Variants in NETO2 observed in about 807,000 individuals in gnomAD.
NETO2 encodes the protein neuropilin and tolloid-like protein 2.
A neutral mutation model predicts 62.5 loss-of-function variants in NETO2; 28 were observed. The observed-to-expected ratio is 0.45, with a 90% CI of 0.33 to 0.61. The LOEUF (loss-of-function observed/expected upper bound fraction) is 0.61, where lower values mean the gene tolerates loss of function less well. Ranked by LOEUF, NETO2 falls within the 20% of genes least tolerant of loss-of-function variation. The pLI is 0.02. For missense variants in NETO2, 548 were observed against 643.2 expected (o/e 0.85, Z 1.60); for synonymous variants, 214 against 219.1 (o/e 0.98, Z 0.21).
At chr16:47,129,598 T>C (rs897418349) in intron 2 of NETO2, among the ~76,000 whole-genome samples, 11 of 152,154 alleles carry the variant, frequency 7.2e-5, no homozygotes, top group Admixed American at 2.6e-4. Flanking sequence ...AAAGGGCTTA[T>C]AGGCACTTAA....
intron 4 of NETO2, among the ~76,000 whole-genome samples, chr16:47,126,760 A>G (rs759091581): frequency 3.9e-4 from 59 of 152,180 alleles, no homozygotes; most frequent in Non-Finnish European, 7.5e-4. Context: ...CTGTGAACCT[A>G]AAACTGTTCT....
chr16:47,104,271 A>C (rs183355995), intron 7 of NETO2, among the ~76,000 whole-genome samples: 1 of 152,360 alleles, frequency 6.6e-6, no homozygotes, highest in Admixed American at 6.5e-5. Context: ...TAAGAAAATA[A>C]TTCCAGTATA....
At position 47,143,565 on chromosome 16, in the gene NETO2, G is replaced by A; in HGVS notation, c.34+14C>T. 8.2e-7 allele frequency: 1 copy of A among 1,223,522 alleles called. No individual in the cohort carries two copies. 75.8% of individuals were successfully genotyped at this position (1,223,522 alleles called of 1,614,324 possible). A position where few individuals can be genotyped will look rare whatever the true frequency, so the allele number is the denominator to read the frequency against. ...GCAGGGGGCGCCGTCCGTGGCCCCA[G>A]CCCCGGTCCTTACCTTTGAGGACCG... On this transcript the variant is annotated intron_variant, in intron 1 of 8. Coordinates refer to ENST00000562435, the MANE Select transcript of NETO2 (RefSeq NM_018092.5).
intron 2 of NETO2, among the ~76,000 whole-genome samples, chr16:47,129,738 A>C (rs1188686583): frequency 1.3e-5 from 2 of 152,220 alleles, no homozygotes; most frequent in Non-Finnish European, 2.9e-5. Context: ...GTTTAACACA[A>C]CAGTAAAAGA....
At chr16:47,134,729 A>C (rs1299558999) in intron 1 of NETO2, among the ~76,000 whole-genome samples, 1 of 152,242 alleles carries the variant, frequency 6.6e-6, no homozygotes, top group Admixed American at 6.5e-5. Flanking sequence ...AATAAACTGA[A>C]GGCAAGACAG....
Position 47,095,645 on chromosome 16 carries a change from G to A in NETO2, c.884-9306C>T, listed in dbSNP as rs369497790. ...AAACATATATGGACTAAAAACAAAG[G>A]AGCCCTAAAATATATGAAACAAACA... On this transcript the variant is annotated intron_variant, in intron 7 of 8. Coordinates refer to ENST00000562435, the MANE Select transcript of NETO2 (RefSeq NM_018092.5). Among the ~76,000 whole-genome samples, 19 of 152,196 alleles carry A rather than the reference G, an allele frequency of 1.2e-4. No homozygotes were observed. The East Asian group carries it at 3.3e-3, about 26-fold the overall frequency.
intron 6 of NETO2, among the ~76,000 whole-genome samples, chr16:47,118,014 A>G (rs753967190): frequency 2.6e-5 from 4 of 152,196 alleles, no homozygotes; most frequent in Admixed American, 6.5e-5. Context: ...TTTCATTAAA[A>G]ATTAACCAGA....
chr16:47,125,290 G>A (rs1964132672), intron 4 of NETO2, among the ~76,000 whole-genome samples: 1 of 151,536 alleles, frequency 6.6e-6, no homozygotes, highest in South Asian at 2.1e-4. Flanking sequence ...CACAAGGCAG[G>A]ATATCCTGTC....
At chr16:47,135,434 C>G (rs942387364) in intron 1 of NETO2, among the ~76,000 whole-genome samples, 4 of 152,172 alleles carry the variant, frequency 2.6e-5, no homozygotes, top group African/African-American at 9.7e-5. Flanking sequence ...TAATTCTAAA[C>G]TCTTTAACCA....
chr16:47,083,425 T>C lies in NETO2; in HGVS notation c.1374A>G (p.Glu458=). ...GTGCAAAGTCATTTCGGAAAGGAAG[T>C]TCCATGGAACTGAGGTTGGTCCTGC... ...KQSRTNLSSM[E]LPFRNDFAQP... The change falls in exon 9 of 9, where the codon GAA becomes GAG. Residue 458 remains glutamate, a synonymous_variant. Coordinates refer to ENST00000562435, the MANE Select transcript of NETO2 (RefSeq NM_018092.5). The C allele has an allele frequency of 6.2e-7, 1 of 1,614,144 alleles. No individual in the cohort carries two copies. The highest frequency in any genetic ancestry group is 8.5e-7 in the Non-Finnish European group (1 of 1,180,026).
In NETO2 at chr16:47,081,216, C is replaced by T. The variant is rs1963055035; in HGVS notation, c.*2005G>A. The stretch of plus-strand genomic sequence containing the variant: ...TTTTACATAGAAAATATGCTAACTT[C>T]CCTTTTATCATCATAAGATCATAGT... On this transcript the variant is annotated 3_prime_UTR_variant, in exon 9 of 9. Transcript: ENST00000562435. 2 of 152,072 alleles carry T rather than the reference C, an allele frequency of 1.3e-5. No homozygotes were observed. Among genetic ancestry groups the T allele is most frequent in the African/African-American group, 4.8e-5 (2 of 41,420 alleles). The allele number at this position is 152,072 out of a possible 1,614,324, so 9.4% of individuals were successfully genotyped here. A position where few individuals can be genotyped will look rare whatever the true frequency, so the allele number is the denominator to read the frequency against.
rs1311741701 is a variant in NETO2, at chr16:47,079,120, A to T, written c.*4101T>A. 1 of 149,418 alleles carries T rather than the reference A, an allele frequency of 6.7e-6. No homozygotes were observed. The highest frequency in any genetic ancestry group is 1.5e-5 in the Non-Finnish European group (1 of 67,564). 9.3% of individuals were successfully genotyped at this position (149,418 alleles called of 1,614,324 possible). ...CATGGTGAAACCCCGTCTCTACTAAAAATACAAAAAATTAGCCGGGCATGG... is the reference window on the plus strand; with the variant it reads ...CATGGTGAAACCCCGTCTCTACTAATAATACAAAAAATTAGCCGGGCATGG... On this transcript the variant is annotated 3_prime_UTR_variant, in exon 9 of 9. Coordinates refer to ENST00000562435, the MANE Select transcript of NETO2 (RefSeq NM_018092.5).
At position 47,141,734 on chromosome 16, in the gene NETO2, T is replaced by C. The variant is rs949852931; in HGVS notation, c.34+1845A>G. Among the ~76,000 whole-genome samples the C allele has an allele frequency of 3.9e-5, 6 of 152,214 alleles. No homozygotes were observed. The South Asian group carries it at 6.2e-4, about 16-fold the overall frequency. Reference sequence around the variant, plus strand: ...TGAGCTTTAAAAATACTCCAGCATGTAAAAATAGTGTAGGCTAACACTGAA... The same window carrying C: ...TGAGCTTTAAAAATACTCCAGCATGCAAAAATAGTGTAGGCTAACACTGAA... On this transcript the variant is annotated intron_variant, in intron 1 of 8. Transcript: ENST00000562435.
At chr16:47,107,674 A>T (rs1173813581) in intron 7 of NETO2, among the ~76,000 whole-genome samples, 1 of 152,170 alleles carries the variant, frequency 6.6e-6, no homozygotes, top group African/African-American at 2.4e-5. Flanking sequence ...TAATTTAAAA[A>T]CTATTAATTC....
Position 47,134,776 on chromosome 16 carries a change from C to T in NETO2, c.35-2751G>A, listed in dbSNP as rs1000814994. The stretch of plus-strand genomic sequence containing the variant: ...ATGGCAAAGGGATGAACTGTGCCAG[C>T]ACAATTACGGTATACAATGACCAAT... On this transcript the variant is annotated intron_variant, in intron 1 of 8. Transcript: ENST00000562435. Among the ~76,000 whole-genome samples the T allele has an allele frequency of 2.6e-5, 4 of 152,282 alleles. No individual in the cohort carries two copies. The East Asian group carries it at 7.7e-4, about 29-fold the overall frequency.
At position 47,132,025 on chromosome 16, in the gene NETO2, A is replaced by G. The variant is rs1964276041; in HGVS notation, c.35T>C (p.Val12Ala). The change falls in exon 2 of 9, where the codon GTG becomes GCG. Residue 12 changes from valine (V) to alanine (A), a missense_variant and splice_region_variant. Physicochemically the swap from Val to Ala is moderately conservative, Grantham distance 64 (BLOSUM62 0). Transcript: ENST00000562435. ...CACTACCAGTACTGTTATTAACAAC[A>G]CTAGAGAAATAACAGAGAAGAAAAG... ...ALERLCSVLKVLLITVLVVEG... is the reference protein window; with the variant it reads ...ALERLCSVLKALLITVLVVEG... The G allele has an allele frequency of 1.2e-6, 2 of 1,609,946 alleles. No individual in the cohort carries two copies. The highest frequency in any genetic ancestry group is 2.2e-5 in the East Asian group (1 of 44,774).
At chr16:47,098,590 G>A (rs1297468287) in intron 7 of NETO2, among the ~76,000 whole-genome samples, 1 of 151,988 alleles carries the variant, frequency 6.6e-6, no homozygotes, top group South Asian at 2.1e-4. Flanking sequence ...TGGAACCAAG[G>A]TGGAAAACAC....
At chr16:47,099,506 A>G (rs774516312) in intron 7 of NETO2, among the ~76,000 whole-genome samples, 1 of 152,230 alleles carries the variant, frequency 6.6e-6, no homozygotes, top group Non-Finnish European at 1.5e-5. Flanking sequence ...CAATTAAAAG[A>G]CGCAGACTGG....
chr16:47,089,379 C>T (rs1963264955), intron 7 of NETO2, among the ~76,000 whole-genome samples: 1 of 152,142 alleles, frequency 6.6e-6, no homozygotes, highest in East Asian at 1.9e-4. Flanking sequence ...TATTTAACCT[C>T]CTTGGGCCTC....
Sources: allele counts gnomAD v4.1 joint callset (sites outside exome capture counted in the v4.1 genomes callset), GRCh38; gene constraint gnomAD v4.1.1; transcripts MANE v1.5; gene names NCBI Gene and HGNC (gene_info 2026-07-23, HGNC 2026-07-21).